Variants in COL11A1 observed in about 807,000 individuals in gnomAD.
The protein encoded by COL11A1 is collagen type XI alpha 1 chain, also known as collagen alpha-1(XI) chain.
In COL11A1, 74 loss-of-function variants were observed where a neutral mutation model predicts 265.2. The ratio of observed to expected loss-of-function variants is 0.28; its 90% confidence interval spans 0.23 to 0.34. COL11A1 has a LOEUF of 0.34. Among genes scored for constraint, COL11A1 ranks in the 10% least tolerant of loss-of-function variants. The pLI is 1.00. For synonymous variants in COL11A1, 816 were observed against 727.6 expected, an observed-to-expected ratio of 1.12 and a Z score of -1.96; for missense variants, 2,165 against 2,263.6, an observed-to-expected ratio of 0.96 and a Z score of 0.88.
chr1:102,962,819 C>T (rs1296068448), intron 38 of COL11A1, 59 bp from the exon 39 acceptor site: 1 of 1,476,612 alleles, frequency 6.8e-7, no homozygotes, highest in Non-Finnish European at 9.5e-7. Flanking sequence ...AAAGATAACA[C>T]AAACTCAAAA....
At chr1:102,923,163 T>A (rs1181978056) in intron 47 of COL11A1, among the ~76,000 whole-genome samples, 173 bp downstream of exon 47, 1 of 152,204 alleles carries the variant, frequency 6.6e-6, no homozygotes, top group East Asian at 1.9e-4. Flanking sequence ...ATTCTCTACC[T>A]GCTCCAAATC....
At position 103,066,003 on chromosome 1, in the gene COL11A1, T is replaced by TA. The variant is rs1428480954; in HGVS notation, c.651+8614dup. ...CAGAGACAAAACATTTTTACAGTCC[T>TA]AAAATAATAAAACTGTCAACCCAGA... is the stretch of plus-strand genomic sequence containing the variant. On this transcript the variant is annotated intron_variant, in intron 4 of 66. Coordinates refer to ENST00000370096, the MANE Select transcript of COL11A1 (RefSeq NM_001854.4). 2.6e-5 allele frequency among the ~76,000 whole-genome samples: 4 copies of TA among 152,144 alleles called. No individual in the cohort carries two copies. In the East Asian group the frequency reaches 5.8e-4, roughly 22 times the overall value.
chr1:102,908,589 G>A (rs1270244050), intron 54 of COL11A1, among the ~76,000 whole-genome samples: 1 of 151,946 alleles, frequency 6.6e-6, no homozygotes, highest in Non-Finnish European at 1.5e-5. Context: ...TTTCCATATA[G>A]AAAATCATTT....
chr1:103,069,745 A>T (rs1030380349), intron 4 of COL11A1, among the ~76,000 whole-genome samples: 3 of 151,922 alleles, frequency 2.0e-5, no homozygotes, highest in Admixed American at 6.6e-5. Context: ...TGGGCAAAAA[A>T]TTTGAAAAGA....
chr1:102,888,840 A>G (rs1204563166), intron 60 of COL11A1, 26 bp downstream of exon 60: 6 of 1,611,264 alleles, frequency 3.7e-6, no homozygotes, highest in East Asian at 2.2e-5. Context: ...ACCCTACCTT[A>G]TAAGGTTATT....
intron 50 of COL11A1, 100 bp from the exon 51 acceptor site, chr1:102,914,911 T>C (rs995714590): frequency 6.2e-6 from 6 of 967,898 alleles, no homozygotes; most frequent in Non-Finnish European, 9.4e-6. Flanking sequence ...TGGGCCAGAA[T>C]ATATTTTTTT....
At chr1:103,098,210 T>C (rs1267199012) in intron 1 of COL11A1, among the ~76,000 whole-genome samples, 1 of 151,934 alleles carries the variant, frequency 6.6e-6, no homozygotes, top group Non-Finnish European at 1.5e-5. Context: ...ATTTTCTATA[T>C]TGTAATTAGT....
intron 49 of COL11A1, among the ~76,000 whole-genome samples, chr1:102,916,568 T>A (rs1655365754): frequency 6.6e-6 from 1 of 152,074 alleles, no homozygotes; most frequent in Non-Finnish European, 1.5e-5. Context: ...ATATTTCCAA[T>A]ATTCCTGACA....
At chr1:103,023,083 G>T in intron 7 of COL11A1, 87 bp from the exon 8 acceptor site, 2 of 1,416,760 alleles carry the variant, frequency 1.4e-6, no homozygotes, top group Non-Finnish European at 2.0e-6. Flanking sequence ...ATTTGATAGC[G>T]TGTGATGGGA....
Position 103,015,669 on chromosome 1 carries a change from G to A in COL11A1, c.1487C>T (p.Pro496Leu), listed in dbSNP as rs371793829. ...TCTATAACATAAAAAAGAACATACC[G>A]GTAACATCAACATAGTACCAGGAGG... is the stretch of plus-strand genomic sequence containing the variant. ...PGPPGTMLMLPFRYGGDGSKG... is the reference protein window; with the variant it reads ...PGPPGTMLMLLFRYGGDGSKG... The change falls in exon 12 of 67, where the codon CCG becomes CTG. Residue 496 changes from proline to leucine, a missense_variant and splice_region_variant. Coordinates refer to ENST00000370096, the MANE Select transcript of COL11A1 (RefSeq NM_001854.4). 1.3e-5 allele frequency: 21 copies of A among 1,603,080 alleles called. No homozygotes were observed. The highest frequency in any genetic ancestry group is 2.2e-5 in the East Asian group (1 of 44,512).
chr1:103,069,600 A>C lies in COL11A1; in HGVS notation c.651+5018T>G, dbSNP rs757508724. 5.9e-4 allele frequency among the ~76,000 whole-genome samples: 89 copies of C among 151,962 alleles called. 1 individual carries two copies. The highest frequency in any genetic ancestry group is 9.4e-4 in the Non-Finnish European group (64 of 67,864). ...TACACTTGGAAAGACACCAATAAGA[A>C]AACAAAAAAAAGGCAAGTCACATAC... is the stretch of plus-strand genomic sequence containing the variant. On this transcript the variant is annotated intron_variant, in intron 4 of 66. Transcript: ENST00000370096.
Position 103,026,599 on chromosome 1 carries a change from C to T in COL11A1, c.781-267G>A, listed in dbSNP as rs528650803. On this transcript the variant is annotated intron_variant, in intron 5 of 66. Transcript: ENST00000370096. ...AAAATTTGGAATAATAATTCAAACTCTTAATTATGGAATGTTAATTGAAAC... is the reference window on the plus strand; with the variant it reads ...AAAATTTGGAATAATAATTCAAACTTTTAATTATGGAATGTTAATTGAAAC... 2.0e-4 allele frequency among the ~76,000 whole-genome samples: 31 copies of T among 151,840 alleles called. 1 individual carries two copies. The South Asian group carries it at 3.7e-3, about 18-fold the overall frequency.
chr1:102,995,845 C>T lies in COL11A1; in HGVS notation c.2340+19G>A, dbSNP rs780151082. On this transcript the variant is annotated intron_variant, in intron 28 of 66. Coordinates refer to ENST00000370096, the MANE Select transcript of COL11A1 (RefSeq NM_001854.4). ...CATAATACACAGAAATTAATACCAT[C>T]TAAACAATTAAATTTTACCTTTTCA... is the stretch of plus-strand genomic sequence containing the variant. 1.3e-6 allele frequency: 2 copies of T among 1,587,028 alleles called. No individual in the cohort carries two copies. The highest frequency in any genetic ancestry group is 2.2e-5 in the South Asian group (2 of 90,466).
chr1:103,083,365 A>C (rs1672591632), intron 1 of COL11A1, among the ~76,000 whole-genome samples: 1 of 152,086 alleles, frequency 6.6e-6, no homozygotes, highest in Admixed American at 6.6e-5. Context: ...TTTATAAAAT[A>C]TTTAATAATT....
intron 4 of COL11A1, among the ~76,000 whole-genome samples, chr1:103,047,776 C>A (rs944837244): frequency 6.6e-6 from 1 of 152,066 alleles, no homozygotes; most frequent in Non-Finnish European, 1.5e-5. Flanking sequence ...AGATATGACC[C>A]ATCAATACCT....
At chr1:102,899,077 T>C in intron 54 of COL11A1, 83 bp from the exon 55 acceptor site, 2 of 748,778 alleles carry the variant, frequency 2.7e-6, no homozygotes, top group South Asian at 2.6e-5. Context: ...CACTAAACTT[T>C]AGTTTGTAAC....
intron 24 of COL11A1, 92 bp downstream of exon 24, chr1:103,001,833 T>G (rs1304431793): frequency 4.4e-6 from 5 of 1,144,306 alleles, no homozygotes; most frequent in Non-Finnish European, 6.6e-6. Context: ...TCTAGATATC[T>G]TAACAAAAAC....
chr1:103,101,646 A>C (rs763909263), intron 1 of COL11A1, among the ~76,000 whole-genome samples: 8 of 151,920 alleles, frequency 5.3e-5, no homozygotes, highest in Non-Finnish European at 7.4e-5. Flanking sequence ...CTGTGCACTC[A>C]AGTTCTATGA....
intron 14 of COL11A1, among the ~76,000 whole-genome samples, chr1:103,009,614 A>T (rs1665935118): frequency 6.6e-6 from 1 of 152,202 alleles, no homozygotes; most frequent in Non-Finnish European, 1.5e-5. Flanking sequence ...CTTCATGCTG[A>T]AATACTGTGT....
Sources: gnomAD v4.1 joint callset for allele counts (sites outside exome capture counted in the v4.1 genomes callset) on GRCh38, gnomAD v4.1.1 for gene constraint, MANE v1.5 for transcripts, NCBI Gene and HGNC (gene_info 2026-07-23, HGNC 2026-07-21) for gene names.